The following ATXN3 variants were observed in gnomAD, a reference collection of about 807,000 sequenced individuals.
ATXN3 encodes the protein ataxin 3.
Under a neutral mutation model 58.2 loss-of-function variants are expected in ATXN3, and 28 were observed. That is an observed-to-expected ratio of 0.48 (90% CI 0.36 to 0.66). The LOEUF (loss-of-function observed/expected upper bound fraction) is 0.66, where lower values mean the gene tolerates loss of function less well. Among genes scored for constraint, ATXN3 ranks in the 30% least tolerant of loss-of-function variants. ATXN3 has a pLI of 0.00. For synonymous variants in ATXN3, 113 were observed against 138.5 expected, an observed-to-expected ratio of 0.82 and a Z score of 1.29; for missense variants, 321 against 422.1, an observed-to-expected ratio of 0.76 and a Z score of 2.10.
chr14:92,081,034 A>G lies in ATXN3; in HGVS notation c.803T>C (p.Met268Thr), dbSNP rs1317740976. 1.9e-6 allele frequency: 3 copies of G among 1,611,188 alleles called. No homozygotes were observed. The highest frequency in any genetic ancestry group is 2.5e-6 in the Non-Finnish European group (3 of 1,178,106). ...AAGATTTGTACCTGATGTCTGTGTC[A>G]TATCTTGAGATATGTTTCTGGAACT... The part of the protein sequence containing the change: ...QGSSRNISQD[M>T]TQTSGTNLTS... The change falls in exon 9 of 11, where the codon ATG becomes ACG. Residue 268 changes from methionine (M) to threonine (T), a missense_variant. Around this residue, in one of 2 missense-constraint regions of ATXN3, gnomAD observed 200 missense variants for 223.2 expected, o/e 0.90. Transcript: ENST00000644486.
chr14:92,091,163 A>G (rs925120993), intron 5 of ATXN3, among the ~76,000 whole-genome samples: 2 of 151,838 alleles, frequency 1.3e-5, no homozygotes, highest in Non-Finnish European at 2.9e-5. Flanking sequence ...GAAAGAACCA[A>G]CTTAGGGCTC....
intron 1 of ATXN3, among the ~76,000 whole-genome samples, chr14:92,101,108 A>G (rs2066671185): frequency 6.6e-6 from 1 of 152,248 alleles, no homozygotes; most frequent in African/African-American, 2.4e-5. Context: ...TACAGGAAAT[A>G]TCAAGTTCTG....
chr14:92,071,183 G>T, intron 9 of ATXN3, 130 bp from the exon 10 acceptor site: 2 of 1,346,568 alleles, frequency 1.5e-6, no homozygotes, highest in Non-Finnish European at 2.1e-6. Flanking sequence ...TTAAAAGAAT[G>T]CAAGAGCAGT....
chr14:92,071,679 C>A (rs1419196188), intron 9 of ATXN3: 3 of 205,872 alleles, frequency 1.5e-5, no homozygotes, highest in African/African-American at 4.7e-5. Flanking sequence ...GGTTTATAGA[C>A]CCTTAATATT....
chr14:92,071,487 T>C, intron 9 of ATXN3: 1 of 341,822 alleles, frequency 2.9e-6, no homozygotes, highest in South Asian at 2.3e-5. Context: ...TCCCAGCTAC[T>C]TTGGGAGGCT....
At chr14:92,051,361 T>C (rs1461170643), upstream of ATXN3, among the ~76,000 whole-genome samples, 1 of 152,186 alleles carries the variant, frequency 6.6e-6, no homozygotes, top group African/African-American at 2.4e-5. Context: ...ACCAAGAGAA[T>C]TGTAAAGTGC....
intron 3 of ATXN3, 49 bp downstream of exon 3, chr14:92,096,044 C>A (rs780988220): frequency 2.1e-6 from 3 of 1,422,322 alleles, no homozygotes; most frequent in Non-Finnish European, 3.0e-6. Context: ...GGCTGTGAAA[C>A]GGTGCCTGGG....
intron 6 of ATXN3, among the ~76,000 whole-genome samples, chr14:92,084,574 A>AT (rs200578869): frequency 0.51 from 75,055 of 147,134 alleles, 19,147 homozygotes; most frequent in African/African-American, 0.61. Context: ...TCTATCATTA[A>AT]TTTTTTTTTT....
chr14:92,071,237 AG>A (rs1215116390), intron 9 of ATXN3, 184 bp from the exon 10 acceptor site: 20 of 963,244 alleles, frequency 2.1e-5, no homozygotes, highest in Non-Finnish European at 2.2e-5. Context: ...TGCTGATCTT[AG>A]GAAATCTAGA....
intron 1 of ATXN3, among the ~76,000 whole-genome samples, chr14:92,103,132 G>C (rs1596046332): frequency 7.3e-6 from 1 of 137,452 alleles, no homozygotes; most frequent in Admixed American, 7.4e-5. Context: ...AAAAAACAAA[G>C]CAGGCACCAG....
At chr14:92,094,085 A>G (rs955861339) in intron 3 of ATXN3, among the ~76,000 whole-genome samples, 3 of 151,614 alleles carry the variant, frequency 2.0e-5, no homozygotes, top group Admixed American at 1.3e-4. Flanking sequence ...TGGGATTACA[A>G]GCACACGCCA....
Position 92,080,951 on chromosome 14 carries a change from AC to A in ATXN3, c.872+13del. ...TATTAAACATGCTACTTTAACTTGT[AC>A]CAACTACTTTACTTTTCAAAGTAGG... On this transcript the variant is annotated intron_variant, in intron 9 of 10. Coordinates refer to ENST00000644486, the MANE Select transcript of ATXN3 (RefSeq NM_004993.6). The A allele has an allele frequency of 6.3e-7, 1 of 1,577,932 alleles. No homozygotes were observed.
At chr14:92,103,071 T>C (rs1329631385) in intron 1 of ATXN3, among the ~76,000 whole-genome samples, 1 of 141,104 alleles carries the variant, frequency 7.1e-6, no homozygotes. Flanking sequence ...CCAATACAAA[T>C]GGCACAGTAA....
At chr14:92,087,196 A>G (rs2062785543) in intron 6 of ATXN3, among the ~76,000 whole-genome samples, 1 of 152,224 alleles carries the variant, frequency 6.6e-6, no homozygotes, top group African/African-American at 2.4e-5. Context: ...AATTTTTTAT[A>G]AACACCTTGG....
intron 5 of ATXN3, among the ~76,000 whole-genome samples, chr14:92,092,219 G>C (rs1474717175): frequency 6.6e-6 from 1 of 152,056 alleles, no homozygotes; most frequent in Non-Finnish European, 1.5e-5. Context: ...ATACCATACA[G>C]CAGGTAGTAT....
In ATXN3 at chr14:92,070,939, A is replaced by T. The variant is rs1053998390; in HGVS notation, c.987T>A (p.Asp329Glu). 1.9e-6 allele frequency: 3 copies of T among 1,610,072 alleles called. No homozygotes were observed. The highest frequency in any genetic ancestry group is 2.5e-6 in the Non-Finnish European group (3 of 1,179,180). Reference protein sequence around the residue: ...PATSSGALGSDLGDAMSEEDM... With the variant: ...PATSSGALGSELGDAMSEEDM... ...TGAATGGTGAGCAGGCCTTACCTAGATCACTCCCAAGTGCTCCTGAACTGG... is the reference window on the plus strand; with the variant it reads ...TGAATGGTGAGCAGGCCTTACCTAGTTCACTCCCAAGTGCTCCTGAACTGG... The change falls in exon 10 of 11, where the codon GAT becomes GAA. Residue 329 changes from aspartate (D) to glutamate (E), a missense_variant. Asp to Glu is a conservative substitution (Grantham distance 45). Around this residue, in one of 2 missense-constraint regions of ATXN3, gnomAD observed 200 missense variants for 223.2 expected, o/e 0.90. Coordinates refer to ENST00000644486, the MANE Select transcript of ATXN3 (RefSeq NM_004993.6).
rs1468843002 is a variant in ATXN3, at chr14:92,096,186, A to C, written c.190-49T>G. 3 of 1,611,890 alleles carry C rather than the reference A, an allele frequency of 1.9e-6. No individual in the cohort carries two copies. In the African/African-American group the frequency reaches 4.0e-5, roughly 22 times the overall value. ...AAGCAAGGGTGGGGGTGGGGAAAGA[A>C]GGATACAAACTGTCATTAGCGTGCA... On this transcript the variant is annotated intron_variant, in intron 2 of 10. Coordinates refer to ENST00000644486, the MANE Select transcript of ATXN3 (RefSeq NM_004993.6).
chr14:92,055,657 G>T (rs1210869848), downstream of ATXN3, among the ~76,000 whole-genome samples: 1 of 152,176 alleles, frequency 6.6e-6, no homozygotes, highest in Non-Finnish European at 1.5e-5. This position sits in a 1 kb window ranked among gnomAD's most constrained non-coding sequence, Gnocchi z 4.5. Flanking sequence ...GTGTGAGACG[G>T]TGGCTCAAAG....
intron 1 of ATXN3, among the ~76,000 whole-genome samples, chr14:92,099,376 T>C (rs778509138): frequency 6.6e-6 from 1 of 152,232 alleles, no homozygotes; most frequent in Non-Finnish European, 1.5e-5. Flanking sequence ...CAGTCTGAGA[T>C]AAGTTTATCT....
Sources: allele counts gnomAD v4.1 joint callset (sites outside exome capture counted in the v4.1 genomes callset), GRCh38; gene constraint gnomAD v4.1.1; regional missense constraint gnomAD v4.1.1; non-coding constraint Gnocchi (gnomAD v3.1); transcripts MANE v1.5; gene names NCBI Gene and HGNC (gene_info 2026-07-23, HGNC 2026-07-21).